MTM1: variants seen among roughly 807,000 people sequenced by gnomAD.
The protein encoded by MTM1 is myotubularin.
In MTM1, 9 loss-of-function variants were observed where a neutral mutation model predicts 52.1. The ratio of observed to expected loss-of-function variants is 0.17; its 90% CI spans 0.10 to 0.30. The LOEUF (loss-of-function observed/expected upper bound fraction) is 0.30, where lower values mean the gene tolerates loss of function less well. Ranked by LOEUF, MTM1 falls within the 10% of genes least tolerant of loss-of-function variation. MTM1 has a pLI of 1.00. For synonymous variants in MTM1, 136 were observed against 163.8 expected (o/e 0.83, Z 1.29); for missense variants, 277 against 470.7 (o/e 0.59, Z 3.81).
intron 6 of MTM1, among the ~76,000 whole-genome samples, chrX:150,625,959 A>G (rs185519045): frequency 7.1e-5 from 8 of 112,791 alleles, no homozygotes; most frequent in Non-Finnish European, 1.9e-5. Flanking sequence ...GGTGTAGTAC[A>G]TTAGATTGCA....
intron 10 of MTM1, among the ~76,000 whole-genome samples, chrX:150,655,498 A>G (rs909608633): frequency 8.9e-6 from 1 of 111,808 alleles, no homozygotes; most frequent in African/African-American, 3.3e-5. Context: ...CCAAATGTCT[A>G]TCAGTTGATG....
At chrX:150,582,719 A>G (rs2038608017) in intron 1 of MTM1, among the ~76,000 whole-genome samples, 1 of 111,210 alleles carries the variant, frequency 9.0e-6, no homozygotes, top group Non-Finnish European at 1.9e-5. Context: ...AGCCACCACC[A>G]GAAGCTAGGG....
the MTM1 span, among the ~76,000 whole-genome samples, chrX:150,562,889 C>T: frequency 9.0e-6 from 1 of 111,124 alleles, no homozygotes; most frequent in East Asian, 2.8e-4. Context: ...TCTCCTGGAG[C>T]CCCACTGCAC....
At chrX:150,593,826 G>C (rs74728439) in intron 2 of MTM1, among the ~76,000 whole-genome samples, 2,677 of 110,317 alleles carry the variant, frequency 0.024, 84 homozygotes, top group African/African-American at 0.085. Context: ...AATTAGCCGA[G>C]TGTGATGGCG....
At chrX:150,594,758 C>T (rs1483578433) in intron 2 of MTM1, among the ~76,000 whole-genome samples, 1 of 112,101 alleles carries the variant, frequency 8.9e-6, no homozygotes, top group Non-Finnish European at 1.9e-5. Context: ...TTTAATCAGA[C>T]ATTCACTTCC....
intron 9 of MTM1, 103 bp from the exon 10 acceptor site, chrX:150,649,612 AG>A: frequency 1.4e-6 from 1 of 692,712 alleles, no homozygotes; most frequent in Non-Finnish European, 2.3e-6. Flanking sequence ...TTTAAATTGG[AG>A]GGTTTGGGGT....
intron 13 of MTM1, among the ~76,000 whole-genome samples, chrX:150,662,330 A>G (rs1470134578): frequency 9.0e-6 from 1 of 111,568 alleles, no homozygotes; most frequent in African/African-American, 3.3e-5. Flanking sequence ...CATTTCTTTT[A>G]TTTTTCTTTT....
intron 9 of MTM1, 27 bp from the exon 10 acceptor site, chrX:150,649,689 T>G: frequency 8.6e-7 from 1 of 1,158,299 alleles, no homozygotes; most frequent in Non-Finnish European, 1.2e-6. Context: ...ACTCAACTGA[T>G]TGTTTGTATT....
chrX:150,620,373 C>T (rs1289216639), intron 6 of MTM1, among the ~76,000 whole-genome samples: 1 of 112,233 alleles, frequency 8.9e-6, no homozygotes, highest in Non-Finnish European at 1.9e-5. Flanking sequence ...TCCCCTTATA[C>T]TACTGTCCCA....
At chrX:150,638,762 G>A (rs1199084509) in intron 6 of MTM1, among the ~76,000 whole-genome samples, 181 bp from the exon 7 acceptor site, 4 of 111,113 alleles carry the variant, frequency 3.6e-5, no homozygotes, top group Admixed American at 1.9e-4. Context: ...AGAAGTTAGC[G>A]TAAGTCTGAT....
chrX:150,614,961 A>T (rs1048456927), intron 5 of MTM1, among the ~76,000 whole-genome samples: 3 of 111,206 alleles, frequency 2.7e-5, no homozygotes, highest in Admixed American at 9.6e-5. Context: ...AGAGAACTTT[A>T]TAGATAAAAT....
intron 8 of MTM1, among the ~76,000 whole-genome samples, chrX:150,642,686 C>A (rs1372053760): frequency 1.8e-5 from 2 of 111,672 alleles, no homozygotes; most frequent in Non-Finnish European, 3.8e-5. Flanking sequence ...ATGCCTTGCT[C>A]ACAAGGACAA....
At chrX:150,598,289 C>T (rs2039013117) in intron 3 of MTM1, among the ~76,000 whole-genome samples, 1 of 111,557 alleles carries the variant, frequency 9.0e-6, no homozygotes, top group Admixed American at 9.5e-5. Context: ...CTTAGGGTAG[C>T]AGCAGCAGTA....
At chrX:150,615,532 T>C (rs1405880104) in intron 5 of MTM1, among the ~76,000 whole-genome samples, 1 of 111,024 alleles carries the variant, frequency 9.0e-6, no homozygotes, top group Non-Finnish European at 1.9e-5. Flanking sequence ...GGCTGAAGTT[T>C]GCTGGCCCCT....
intron 4 of MTM1, among the ~76,000 whole-genome samples, chrX:150,609,764 G>A (rs868931278): frequency 2.0e-4 from 22 of 111,014 alleles, no homozygotes; most frequent in Middle Eastern, 4.6e-3. Flanking sequence ...TTTCTACCTC[G>A]GTCCTTCTCT....
At chrX:150,606,943 C>T (rs2039175112) in intron 4 of MTM1, among the ~76,000 whole-genome samples, 1 of 35,369 alleles carries the variant, frequency 2.8e-5, no homozygotes, top group African/African-American at 7.8e-5. Flanking sequence ...CTTCCCTTCC[C>T]TCCCCTCCCC....
chrX:150,574,509 G>T (rs1557411566), intron 1 of MTM1, among the ~76,000 whole-genome samples: 1 of 112,567 alleles, frequency 8.9e-6, no homozygotes, highest in Non-Finnish European at 1.9e-5. Flanking sequence ...AATAGAGAAT[G>T]TGTAATTTAA....
chrX:150,641,464 C>T (rs2039848377), intron 8 of MTM1, 46 bp downstream of exon 8: 18 of 1,179,301 alleles, frequency 1.5e-5, no homozygotes, highest in Non-Finnish European at 2.1e-5. Context: ...CCTTTTAGTC[C>T]ATAAGAATGG....
intron 4 of MTM1, among the ~76,000 whole-genome samples, chrX:150,611,459 C>G (rs1452891655): frequency 8.9e-6 from 1 of 112,035 alleles, no homozygotes; most frequent in African/African-American, 3.2e-5. Flanking sequence ...ATTTTCTCTA[C>G]ATTATGATAA....
Sources: gnomAD v4.1 joint callset for allele counts (sites outside exome capture counted in the v4.1 genomes callset) on GRCh38, gnomAD v4.1.1 for gene constraint, MANE v1.5 for transcripts, NCBI Gene and HGNC (gene_info 2026-07-23, HGNC 2026-07-21) for gene names.